RHCE: variants seen among roughly 807,000 people sequenced by gnomAD.
RHCE encodes Rh blood group CcEe antigens.
RHCE carries 22 observed loss-of-function variants against 43.8 expected under a neutral mutation model. That is an observed-to-expected ratio of 0.50 (90% CI 0.36 to 0.72). The LOEUF is 0.72. Ranked by LOEUF, RHCE falls within the 30% of genes least tolerant of loss-of-function variation. RHCE has a pLI of 0.00. For missense variants in RHCE, 385 were observed against 525.4 expected (o/e 0.73, Z 2.61); for synonymous variants, 156 against 210.7 (o/e 0.74, Z 2.25).
intron 6 of RHCE, among the ~76,000 whole-genome samples, chr1:25,388,424 C>T (rs1178208407): frequency 1.5e-5 from 2 of 135,566 alleles, no homozygotes; most frequent in African/African-American, 5.6e-5. Flanking sequence ...ACATCATCCA[C>T]GTGGTTCCCC....
intron 2 of RHCE, 134 bp from the exon 3 acceptor site, chr1:25,402,880 C>T (rs1316569392): frequency 1.5e-6 from 2 of 1,298,708 alleles, no homozygotes; most frequent in Non-Finnish European, 2.2e-6. Context: ...AGATTTCTAC[C>T]CACCTGGGCG....
At chr1:25,397,414 T>A (rs1646582805) in intron 3 of RHCE, among the ~76,000 whole-genome samples, 1 of 151,696 alleles carries the variant, frequency 6.6e-6, no homozygotes, top group African/African-American at 2.4e-5. Context: ...GGAGAATCAC[T>A]TGAACCTGGA....
chr1:25,392,698 G>A (rs1571874534), intron 3 of RHCE, among the ~76,000 whole-genome samples: 1 of 148,968 alleles, frequency 6.7e-6, no homozygotes, highest in East Asian at 2.0e-4. Flanking sequence ...AGCCTCCTAA[G>A]TAGCTGGGAT....
At chr1:25,382,508 G>T (rs1646031396) in intron 7 of RHCE, among the ~76,000 whole-genome samples, 1 of 149,444 alleles carries the variant, frequency 6.7e-6, no homozygotes, top group Admixed American at 6.6e-5. Flanking sequence ...CCTGCTGACT[G>T]CCACCCCACA....
chr1:25,407,718 A>T (rs1189978899), intron 2 of RHCE, among the ~76,000 whole-genome samples: 1 of 123,770 alleles, frequency 8.1e-6, no homozygotes, highest in Non-Finnish European at 1.8e-5. Context: ...ATGCCCTTTT[A>T]AAATGTGTAT....
Position 25,392,607 on chromosome 1 carries a change from A to G in RHCE, c.487-466T>C, listed in dbSNP as rs556818615. 2.8e-5 allele frequency among the ~76,000 whole-genome samples: 3 copies of G among 105,638 alleles called. No individual in the cohort carries two copies. In the East Asian group the frequency reaches 9.7e-4, roughly 34 times the overall value. The allele number at this position is 105,638 out of a possible 152,430, so 69.3% of individuals were successfully genotyped here. A position where few individuals can be genotyped will look rare whatever the true frequency, so the allele number is the denominator to read the frequency against. Reference sequence around the variant, plus strand: ...TTTTTTTGAGACAGAGTCTTGCTCCATTGCTCAAGCTGGAGTGCAGTGGTG... The same window carrying G: ...TTTTTTTGAGACAGAGTCTTGCTCCGTTGCTCAAGCTGGAGTGCAGTGGTG... On this transcript the variant is annotated intron_variant, in intron 3 of 9. Transcript: ENST00000294413.
chr1:25,385,470 G>A (rs1417144004), intron 7 of RHCE: 10 of 602,650 alleles, frequency 1.7e-5, no homozygotes, highest in East Asian at 1.0e-4. Context: ...AGAAGATTTC[G>A]TGTCTTTGGT....
At chr1:25,387,255 G>A (rs1255448207) in intron 6 of RHCE, among the ~76,000 whole-genome samples, 1 of 152,106 alleles carries the variant, frequency 6.6e-6, no homozygotes, top group Non-Finnish European at 1.5e-5. Context: ...GTCTCTGCCT[G>A]GCTAATACTA....
At chr1:25,424,513 G>A (rs1437103654), upstream of RHCE, among the ~76,000 whole-genome samples, 5 of 151,122 alleles carry the variant, frequency 3.3e-5, no homozygotes, top group South Asian at 2.1e-4. Flanking sequence ...TCAGCCTCCC[G>A]AGTAGCTGGG....
At chr1:25,427,695 C>T (rs1024664452) in intron 2 of RHCE, among the ~76,000 whole-genome samples, 1 of 152,386 alleles carries the variant, frequency 6.6e-6, no homozygotes, top group South Asian at 2.1e-4. Context: ...CTCACCCCAA[C>T]TCTACCCATC....
upstream of RHCE, among the ~76,000 whole-genome samples, chr1:25,423,337 T>C (rs1363381587): frequency 6.6e-6 from 1 of 152,192 alleles, no homozygotes; most frequent in Admixed American, 6.5e-5. Flanking sequence ...CAACTGCACC[T>C]ACCTACCCGA....
At chr1:25,370,197 G>C (rs1645565941) in intron 9 of RHCE, among the ~76,000 whole-genome samples, 1 of 151,626 alleles carries the variant, frequency 6.6e-6, no homozygotes, top group Admixed American at 6.6e-5. Flanking sequence ...GATAGCGGGA[G>C]GGGAAGTGTG....
At chr1:25,402,810 T>G in intron 2 of RHCE, 64 bp from the exon 3 acceptor site, 1 of 1,594,996 alleles carries the variant, frequency 6.3e-7, no homozygotes, top group Admixed American at 1.7e-5. Context: ...CATTCATTCA[T>G]TCATTCATTC....
At chr1:25,370,699 T>A (rs906320333) in intron 8 of RHCE, among the ~76,000 whole-genome samples, 159 bp from the exon 9 acceptor site, 1 of 151,288 alleles carries the variant, frequency 6.6e-6, no homozygotes, top group Non-Finnish European at 1.5e-5. Context: ...CTGTCATTCC[T>A]GGACCAGCTT....
At chr1:25,372,742 G>A (rs1645651111) in intron 8 of RHCE, among the ~76,000 whole-genome samples, 1 of 151,666 alleles carries the variant, frequency 6.6e-6, no homozygotes, top group Non-Finnish European at 1.5e-5. Context: ...CTTGGCTTCT[G>A]GGAGTCCATT....
chr1:25,397,445 C>T (rs1182151433), intron 3 of RHCE, among the ~76,000 whole-genome samples: 4 of 151,128 alleles, frequency 2.6e-5, no homozygotes, highest in Admixed American at 6.6e-5. Context: ...TGCAGTGAGC[C>T]GAGATTGCAA....
At position 25,369,841 on chromosome 1, in the gene RHCE, C is replaced by T. The variant is rs143641393; in HGVS notation, c.1227+626G>A. ...GCAACCTCTGCCTCCTGATTTCAAG[C>T]GATTCTCTTGCCTCAGCCTCCTGAG... On this transcript the variant is annotated intron_variant, in intron 9 of 9. Transcript: ENST00000294413. Among the ~76,000 whole-genome samples the T allele has an allele frequency of 1.2e-3, 182 of 145,700 alleles. 5 individuals are homozygous for T. In the East Asian group the frequency reaches 0.025, roughly 20 times the overall value.
chr1:25,422,194 G>A (rs1010499830), upstream of RHCE, among the ~76,000 whole-genome samples: 3 of 152,192 alleles, frequency 2.0e-5, no homozygotes, highest in African/African-American at 7.2e-5. Flanking sequence ...AAAAAACTGA[G>A]ACTAACCTAA....
At chr1:25,426,108 G>A (rs2042803501) in intron 2 of RHCE, among the ~76,000 whole-genome samples, 1 of 152,222 alleles carries the variant, frequency 6.6e-6, no homozygotes, top group Non-Finnish European at 1.5e-5. Flanking sequence ...AGTGCATAAA[G>A]TGTCAGATGT....
Sources: gnomAD v4.1 joint callset for allele counts (sites outside exome capture counted in the v4.1 genomes callset) on GRCh38, gnomAD v4.1.1 for gene constraint, MANE v1.5 for transcripts, NCBI Gene and HGNC (gene_info 2026-07-23, HGNC 2026-07-21) for gene names.